Variants in PRDM11 observed in about 807,000 individuals in gnomAD.
The protein encoded by PRDM11 is PR domain-containing protein 11.
Under a neutral mutation model 97.8 loss-of-function variants are expected in PRDM11, and 20 were observed. The observed-to-expected ratio is 0.20, with a 90% CI of 0.14 to 0.30. The LOEUF (loss-of-function observed/expected upper bound fraction) is 0.30. PRDM11 is among the 10% of genes least tolerant of loss of function. The pLI is 1.00. For missense variants in PRDM11, 1,139 were observed against 1,555.2 expected, an observed-to-expected ratio of 0.73 and a Z score of 4.50; for synonymous variants, 599 against 637.7, an observed-to-expected ratio of 0.94 and a Z score of 0.91.
At chr11:45,172,673 T>C (rs1852229361) in intron 1 of PRDM11, among the ~76,000 whole-genome samples, 2 of 152,218 alleles carry the variant, frequency 1.3e-5, no homozygotes, top group Admixed American at 1.3e-4. Context: ...CGATACAGTA[T>C]AGCAGTGATT....
intron 1 of PRDM11, among the ~76,000 whole-genome samples, chr11:45,122,234 C>CAGAG (rs201403813): frequency 1.9e-4 from 27 of 139,376 alleles, no homozygotes; most frequent in East Asian, 1.0e-3. Flanking sequence ...CACACACACA[C>CAGAG]ACAGAGAGAA....
chr11:45,220,463 T>C (rs1342126366), intron 6 of PRDM11, among the ~76,000 whole-genome samples: 1 of 152,266 alleles, frequency 6.6e-6, no homozygotes, highest in Non-Finnish European at 1.5e-5. Context: ...AAACTTTTAA[T>C]ACTCATGATC....
At chr11:45,143,594 A>G (rs967578006), upstream of PRDM11, among the ~76,000 whole-genome samples, 4 of 152,214 alleles carry the variant, frequency 2.6e-5, no homozygotes, top group African/African-American at 9.6e-5. Context: ...GGAAAAGGAC[A>G]ATGAACCAGA....
Position 45,227,694 on chromosome 11 carries a change from C to T in PRDM11, c.3069C>T (p.Ser1023=). The T allele has an allele frequency of 6.5e-7, 1 of 1,533,916 alleles. No homozygotes were observed. The highest frequency in any genetic ancestry group is 8.7e-7 in the Non-Finnish European group (1 of 1,146,736). Residue 1023 remains serine (S), a synonymous_variant, in exon 8 of 8, where the codon TCC becomes TCT. Coordinates refer to ENST00000683152, the MANE Select transcript of PRDM11 (RefSeq NM_001384648.1). The surrounding 1 kb of genome is among the most constrained non-coding windows in gnomAD (Gnocchi z 8.0). ...ACCTGGAGGCCATCCCGACCTTTTC[C>T]CGGGATGTCTGTAGGGAAGGGCTGG... is the stretch of plus-strand genomic sequence containing the variant. The part of the protein sequence containing the change: ...FDHLEAIPTF[S]RDVCREGLDP...
Position 45,205,978 on chromosome 11 carries a change from G to A in PRDM11, c.554+1200G>A, listed in dbSNP as rs566869680. Among the ~76,000 whole-genome samples the A allele has an allele frequency of 3.3e-5, 5 of 152,286 alleles. No individual in the cohort carries two copies. In the South Asian group the frequency reaches 1.0e-3, roughly 32 times the overall value. On this transcript the variant is annotated intron_variant, in intron 5 of 7. Transcript: ENST00000683152. ...CCCCTGCCTTGCAGTGTGGAGAATAGCACCGACTGCCCCCAACCTCCTTGG... is the reference window on the plus strand; with the variant it reads ...CCCCTGCCTTGCAGTGTGGAGAATAACACCGACTGCCCCCAACCTCCTTGG...
intron 5 of PRDM11, among the ~76,000 whole-genome samples, chr11:45,218,949 T>A (rs1350448340): frequency 2.0e-5 from 3 of 152,240 alleles, no homozygotes; most frequent in African/African-American, 7.2e-5. Flanking sequence ...AGCCTCAGTC[T>A]CCTTACCTTA....
At chr11:45,115,943 A>T (rs1488908845) in intron 1 of PRDM11, among the ~76,000 whole-genome samples, 6 of 149,312 alleles carry the variant, frequency 4.0e-5, no homozygotes, top group Non-Finnish European at 7.4e-5. Context: ...AAAAAAAAAG[A>T]AAAAAAGAAA....
At chr11:45,098,200 G>C (rs1266572698) in intron 1 of PRDM11, among the ~76,000 whole-genome samples, 1 of 152,192 alleles carries the variant, frequency 6.6e-6, no homozygotes, top group Non-Finnish European at 1.5e-5. Flanking sequence ...TCATCCCCAG[G>C]GACTTATCAT....
At chr11:45,215,428 C>T (rs1255014338) in intron 5 of PRDM11, among the ~76,000 whole-genome samples, 1 of 152,194 alleles carries the variant, frequency 6.6e-6, no homozygotes, top group East Asian at 1.9e-4. Flanking sequence ...ACCCAATTTC[C>T]GAGAGATGCA....
intron 5 of PRDM11, among the ~76,000 whole-genome samples, chr11:45,212,094 G>A (rs749934209): frequency 8.5e-5 from 13 of 152,204 alleles, no homozygotes; most frequent in Non-Finnish European, 1.9e-4. Flanking sequence ...CAAGCGGTTC[G>A]ATGTGTAGAC....
At chr11:45,120,054 TG>T in intron 1 of PRDM11, among the ~76,000 whole-genome samples, 1 of 152,348 alleles carries the variant, frequency 6.6e-6, no homozygotes, top group Admixed American at 6.5e-5. Context: ...AAAAATCCAA[TG>T]GCCATTCTAG....
intron 1 of PRDM11, among the ~76,000 whole-genome samples, chr11:45,129,036 A>C (rs1852655282): frequency 6.6e-6 from 1 of 152,230 alleles, no homozygotes; most frequent in South Asian, 2.1e-4. Flanking sequence ...AATTCACCAC[A>C]TTAACAGAAT....
intron 4 of PRDM11, among the ~76,000 whole-genome samples, chr11:45,199,304 G>T (rs1853241844): frequency 6.6e-6 from 1 of 152,154 alleles, no homozygotes; most frequent in South Asian, 2.1e-4. Flanking sequence ...TTAACAGGAA[G>T]CTCACCACCT....
chr11:45,205,350 A>G (rs1039074145), intron 5 of PRDM11, among the ~76,000 whole-genome samples: 2 of 152,172 alleles, frequency 1.3e-5, no homozygotes, highest in African/African-American at 4.8e-5. Context: ...GACTGGCCCC[A>G]GGCAGGGTCA....
intron 1 of PRDM11, among the ~76,000 whole-genome samples, chr11:45,149,287 A>C (rs762392682): frequency 2.6e-5 from 4 of 152,230 alleles, no homozygotes; most frequent in Non-Finnish European, 5.9e-5. Context: ...GGGGATAAAG[A>C]ACCAAATTGG....
intron 4 of PRDM11, among the ~76,000 whole-genome samples, chr11:45,196,142 G>A (rs1020983924): frequency 6.6e-6 from 1 of 152,090 alleles, no homozygotes; most frequent in Admixed American, 6.5e-5. Flanking sequence ...TGTATATGAG[G>A]GCTCTGATTT....
intron 1 of PRDM11, among the ~76,000 whole-genome samples, chr11:45,161,593 T>C (rs1590393663): frequency 6.6e-6 from 1 of 152,114 alleles, no homozygotes; most frequent in Non-Finnish European, 1.5e-5. Flanking sequence ...GCCTGCAGGG[T>C]GGGCAGGAGA....
chr11:45,127,000 A>C (rs950124754), intron 1 of PRDM11, among the ~76,000 whole-genome samples: 1 of 152,052 alleles, frequency 6.6e-6, no homozygotes, highest in Non-Finnish European at 1.5e-5. Flanking sequence ...TGGTCTTTTC[A>C]CATAGTCCCA....
rs143261671 is a variant in PRDM11, at chr11:45,188,201, T to C, written c.486+5078T>C. On this transcript the variant is annotated intron_variant, in intron 4 of 7. Coordinates refer to ENST00000683152, the MANE Select transcript of PRDM11 (RefSeq NM_001384648.1). ...TGACAAGCATAGCTGTTAATGTTTA[T>C]TGAGCACTTACTATGTGTCTGGGTC... Among the ~76,000 whole-genome samples, 169 of 152,352 alleles carry C rather than the reference T, an allele frequency of 1.1e-3. 2 individuals carry two copies. In the East Asian group the frequency reaches 0.031, roughly 28 times the overall value.
Sources: gnomAD v4.1 joint callset for allele counts (sites outside exome capture counted in the v4.1 genomes callset) on GRCh38, gnomAD v4.1.1 for gene constraint, Gnocchi (gnomAD v3.1) non-coding constraint, MANE v1.5 for transcripts, NCBI Gene and HGNC (gene_info 2026-07-23, HGNC 2026-07-21) for gene names.